Variants in NPAS3 observed in about 807,000 individuals in gnomAD.
NPAS3 encodes neuronal PAS domain protein 3.
Under a neutral mutation model 73.1 loss-of-function variants are expected in NPAS3, and 14 were observed. That is an observed-to-expected ratio of 0.19 (90% confidence interval 0.13 to 0.30). The LOEUF (loss-of-function observed/expected upper bound fraction) is 0.30, where lower values mean the gene tolerates loss of function less well. NPAS3 is among the 10% of genes least tolerant of loss of function. NPAS3 has a pLI of 1.00. For synonymous variants in NPAS3, 620 were observed against 541.5 expected, an observed-to-expected ratio of 1.14 and a Z score of -2.01; for missense variants, 1,096 against 1,250.0, an observed-to-expected ratio of 0.88 and a Z score of 1.86.
chr14:33,095,825 T>C (rs192315241), intron 2 of NPAS3, among the ~76,000 whole-genome samples: 15,107 of 151,406 alleles, frequency 0.1, 1,218 homozygotes, highest in African/African-American at 0.22. Flanking sequence ...CCCACCACCA[T>C]GCCCGGCTAA....
chr14:33,022,581 C>T (rs533520956), intron 1 of NPAS3, among the ~76,000 whole-genome samples: 3 of 145,370 alleles, frequency 2.1e-5, no homozygotes, highest in African/African-American at 7.7e-5. Flanking sequence ...AGGAGAATGG[C>T]GTGAACCCGG....
intron 4 of NPAS3, among the ~76,000 whole-genome samples, chr14:33,490,698 C>A (rs2051850316): frequency 6.6e-6 from 1 of 152,172 alleles, no homozygotes; most frequent in East Asian, 1.9e-4. Context: ...GTGGCACACA[C>A]AACATACACA....
intron 4 of NPAS3, among the ~76,000 whole-genome samples, chr14:33,435,936 G>A (rs2048970370): frequency 6.6e-6 from 1 of 152,190 alleles, no homozygotes; most frequent in African/African-American, 2.4e-5. Context: ...AGGCCTCGCA[G>A]ACATCACAGG....
At chr14:33,046,826 AT>A (rs1245505012) in intron 1 of NPAS3, among the ~76,000 whole-genome samples, 1 of 152,092 alleles carries the variant, frequency 6.6e-6, no homozygotes, top group Non-Finnish European at 1.5e-5. Flanking sequence ...AAATACAAAA[AT>A]TAGCCAGGCA....
chr14:33,209,800 C>A lies in NPAS3; in HGVS notation c.141-5382C>A, dbSNP rs540958072. Among the ~76,000 whole-genome samples, 44 of 152,168 alleles carry A rather than the reference C, an allele frequency of 2.9e-4. No homozygotes were observed. In the South Asian group the frequency reaches 9.1e-3, roughly 32 times the overall value. ...CTCCTTTACCCTATAGTTAGATAAC[C>A]AAAACCTGCCATGCTCTTTTATGAA... On this transcript the variant is annotated intron_variant, in intron 2 of 11. Coordinates refer to ENST00000356141, the Ensembl canonical transcript of NPAS3.
intron 4 of NPAS3, among the ~76,000 whole-genome samples, chr14:33,480,682 C>T (rs2139705623): frequency 6.6e-6 from 1 of 151,740 alleles, no homozygotes; most frequent in East Asian, 1.9e-4. Context: ...ACCCTTTCCC[C>T]TGCAAGTTCA....
intron 4 of NPAS3, among the ~76,000 whole-genome samples, chr14:33,418,853 C>T (rs2048261670): frequency 6.6e-6 from 1 of 151,854 alleles, no homozygotes; most frequent in African/African-American, 2.4e-5. Context: ...CTACTATATG[C>T]AAATCAGTTA....
chr14:32,934,966 C>T (rs1459498155), upstream of NPAS3: 18 of 1,314,914 alleles, frequency 1.4e-5, no homozygotes, highest in Non-Finnish European at 1.7e-5. The surrounding 1 kb of genome is among the most constrained non-coding windows in gnomAD (Gnocchi z 4.1). Flanking sequence ...CAACGGCACC[C>T]CGCAGAACGT....
chr14:33,301,306 T>TTATATATATATATATATATATATATATA (rs1232866435), intron 3 of NPAS3, among the ~76,000 whole-genome samples: 3 of 81,148 alleles, frequency 3.7e-5, no homozygotes, highest in Non-Finnish European at 7.0e-5. Context: ...GGTTTTATCA[T>TTATATATATATATATATATATATATATA]TATATATATA....
At chr14:33,415,044 A>G (rs1352457887) in intron 4 of NPAS3, among the ~76,000 whole-genome samples, 1 of 152,054 alleles carries the variant, frequency 6.6e-6, no homozygotes, top group African/African-American at 2.4e-5. Flanking sequence ...TCATCACAAA[A>G]TCTATATTTT....
intron 5 of NPAS3, among the ~76,000 whole-genome samples, chr14:33,636,417 G>A (rs148487105): frequency 4.6e-5 from 7 of 152,262 alleles, no homozygotes; most frequent in South Asian, 4.2e-4. Flanking sequence ...CAGCTATAGC[G>A]GTTTTCTTTA....
intron 6 of NPAS3, among the ~76,000 whole-genome samples, chr14:33,721,569 C>A (rs1178038238): frequency 2.0e-5 from 3 of 152,090 alleles, no homozygotes; most frequent in African/African-American, 7.2e-5. Context: ...TAGTAGTAAT[C>A]ATAATACCTG....
At chr14:33,410,495 G>A (rs2047873231) in intron 4 of NPAS3, among the ~76,000 whole-genome samples, 1 of 152,144 alleles carries the variant, frequency 6.6e-6, no homozygotes, top group Non-Finnish European at 1.5e-5. Context: ...CTAGAATGCT[G>A]TTGTTATTTC....
intron 4 of NPAS3, among the ~76,000 whole-genome samples, chr14:33,439,415 C>T (rs2049136598): frequency 2.0e-5 from 3 of 152,164 alleles, no homozygotes; most frequent in Admixed American, 2.0e-4. Context: ...GGCCTGAGTC[C>T]TGCATCTCTG....
chr14:33,189,449 C>T (rs1465713719), intron 2 of NPAS3, among the ~76,000 whole-genome samples: 3 of 152,160 alleles, frequency 2.0e-5, no homozygotes, highest in African/African-American at 7.2e-5. Flanking sequence ...CCCATGGCGG[C>T]CTTTGTTACC....
Position 33,713,717 on chromosome 14 carries a change from T to C in NPAS3, c.734-21497T>C, listed in dbSNP as rs377622971. 2.9e-3 allele frequency among the ~76,000 whole-genome samples: 440 copies of C among 152,340 alleles called. 3 individuals carry two copies. The highest frequency in any genetic ancestry group is 9.0e-3 in the African/African-American group (374 of 41,578). On this transcript the variant is annotated intron_variant, in intron 6 of 11. Transcript: ENST00000356141. Reference sequence around the variant, plus strand: ...TGCTCCCACCCTCTGTCCTTTAGTCTCACACAAGAGCCAGATCATGCCTCA... The same window carrying C: ...TGCTCCCACCCTCTGTCCTTTAGTCCCACACAAGAGCCAGATCATGCCTCA...
intron 2 of NPAS3, among the ~76,000 whole-genome samples, chr14:33,102,719 G>A (rs2042612559): frequency 6.6e-6 from 1 of 152,174 alleles, no homozygotes. Flanking sequence ...GGGAAGAGGG[G>A]AAGGAAGACA....
At chr14:33,373,450 C>T (rs1484171562) in intron 4 of NPAS3, among the ~76,000 whole-genome samples, 1 of 150,950 alleles carries the variant, frequency 6.6e-6, no homozygotes, top group Non-Finnish European at 1.5e-5. Context: ...CATGCCATTA[C>T]TAAGAACTAT....
intron 8 of NPAS3, among the ~76,000 whole-genome samples, chr14:33,778,250 C>G (rs1474470811): frequency 6.6e-6 from 1 of 152,192 alleles, no homozygotes; most frequent in Non-Finnish European, 1.5e-5. Context: ...ATTGTTGAAA[C>G]ACAATCGCTT....
Sources: gnomAD v4.1 joint callset for allele counts (sites outside exome capture counted in the v4.1 genomes callset) on GRCh38, gnomAD v4.1.1 for gene constraint, Gnocchi (gnomAD v3.1) non-coding constraint, MANE v1.5 for transcripts, NCBI Gene and HGNC (gene_info 2026-07-23, HGNC 2026-07-21) for gene names.